Variants in NOL4 observed in about 807,000 individuals in gnomAD.
NOL4 encodes nucleolar protein 4.
A neutral mutation model predicts 75.9 loss-of-function variants in NOL4; 17 were observed. The ratio of observed to expected loss-of-function variants is 0.22; its 90% confidence interval spans 0.15 to 0.34. The LOEUF is 0.34. Ranked by LOEUF, NOL4 falls within the 10% of genes least tolerant of loss-of-function variation. NOL4 has a pLI of 1.00. For synonymous variants in NOL4, 292 were observed against 289.9 expected, an observed-to-expected ratio of 1.01 and a Z score of -0.07; for missense variants, 614 against 793.5, an observed-to-expected ratio of 0.77 and a Z score of 2.72.
chr18:34,165,720 C>T (rs1315209095), intron 1 of NOL4, among the ~76,000 whole-genome samples: 1 of 151,962 alleles, frequency 6.6e-6, no homozygotes, highest in African/African-American at 2.4e-5. Context: ...AGATATCATA[C>T]CCCAAATACG....
chr18:33,938,788 C>G (rs550199963), intron 9 of NOL4, among the ~76,000 whole-genome samples: 27 of 152,188 alleles, frequency 1.8e-4, no homozygotes, highest in Non-Finnish European at 3.5e-4. Flanking sequence ...TAATTAGATG[C>G]CATTTGTCAA....
At chr18:34,051,717 G>A (rs1220243374) in intron 5 of NOL4, among the ~76,000 whole-genome samples, 1 of 151,962 alleles carries the variant, frequency 6.6e-6, no homozygotes, top group African/African-American at 2.4e-5. Flanking sequence ...AGGTGCTGGG[G>A]GTATGATAGT....
At chr18:34,166,077 C>G (rs72961213) in intron 1 of NOL4, among the ~76,000 whole-genome samples, 36 of 152,100 alleles carry the variant, frequency 2.4e-4, no homozygotes, top group Non-Finnish European at 4.3e-4. Context: ...AAACTTTAGT[C>G]TCTAGCTTAG....
intron 5 of NOL4, among the ~76,000 whole-genome samples, chr18:34,054,857 T>A (rs1315687518): frequency 6.6e-6 from 1 of 151,578 alleles, no homozygotes; most frequent in Non-Finnish European, 1.5e-5. Context: ...TTTCTTTTCA[T>A]TTCCTTTCAT....
intron 9 of NOL4, among the ~76,000 whole-genome samples, chr18:33,939,765 C>G (rs556568083): frequency 6.6e-6 from 1 of 152,200 alleles, no homozygotes; most frequent in Admixed American, 6.6e-5. Context: ...CCCTTTCTTT[C>G]TTTCTCTTGC....
intron 6 of NOL4, among the ~76,000 whole-genome samples, chr18:34,014,626 C>T (rs117770562): frequency 0.03 from 4,595 of 151,956 alleles, 91 homozygotes; most frequent in Non-Finnish European, 0.046. Flanking sequence ...CTTAACACTT[C>T]CTCATGGGTC....
intron 9 of NOL4, among the ~76,000 whole-genome samples, chr18:33,942,671 C>T (rs577508616): frequency 1.3e-5 from 2 of 151,748 alleles, no homozygotes; most frequent in East Asian, 3.9e-4. Context: ...CGGTAGTAGG[C>T]CAGAGGAAAT....
chr18:34,173,332 T>G (rs186615792), intron 1 of NOL4, among the ~76,000 whole-genome samples: 3 of 152,040 alleles, frequency 2.0e-5, no homozygotes, highest in African/African-American at 7.2e-5. Flanking sequence ...GCAAGGTGAT[T>G]ATAGTTAACA....
At chr18:34,212,990 A>T (rs980027033) in intron 1 of NOL4, among the ~76,000 whole-genome samples, 2 of 152,190 alleles carry the variant, frequency 1.3e-5, no homozygotes, top group African/African-American at 4.8e-5. Flanking sequence ...ACCATATAAG[A>T]TAATAACTAT....
chr18:34,219,838 G>C (rs2037174539), intron 1 of NOL4, among the ~76,000 whole-genome samples: 1 of 152,238 alleles, frequency 6.6e-6, no homozygotes, highest in Non-Finnish European at 1.5e-5. Context: ...CAAAAGCACA[G>C]GTCCCACACC....
chr18:33,935,723 A>G (rs1486641494), intron 9 of NOL4, among the ~76,000 whole-genome samples: 1 of 152,148 alleles, frequency 6.6e-6, no homozygotes, highest in African/African-American at 2.4e-5. Flanking sequence ...AAAAACTGCA[A>G]TATCTGTGAA....
chr18:33,920,937 G>A (rs1599872033), intron 9 of NOL4, among the ~76,000 whole-genome samples: 1 of 152,298 alleles, frequency 6.6e-6, no homozygotes, highest in East Asian at 1.9e-4. Flanking sequence ...GCCCAGGCTG[G>A]CCAAGAGGAA....
At chr18:34,160,770 G>A (rs2031341873) in intron 1 of NOL4, among the ~76,000 whole-genome samples, 1 of 152,050 alleles carries the variant, frequency 6.6e-6, no homozygotes, top group South Asian at 2.1e-4. Flanking sequence ...GATCAAATTG[G>A]GGTAATGAGC....
At chr18:33,908,108 C>T (rs534121206) in intron 9 of NOL4, among the ~76,000 whole-genome samples, 2 of 152,190 alleles carry the variant, frequency 1.3e-5, no homozygotes, top group African/African-American at 4.8e-5. Context: ...AAATTCAGGC[C>T]TGATACTTCA....
chr18:34,060,076 A>T (rs2077008569), intron 5 of NOL4, among the ~76,000 whole-genome samples: 1 of 152,190 alleles, frequency 6.6e-6, no homozygotes, highest in African/African-American at 2.4e-5. Flanking sequence ...CAGAATCACA[A>T]GAGATACTAA....
intron 5 of NOL4, among the ~76,000 whole-genome samples, chr18:34,072,666 A>G (rs537151643): frequency 6.6e-6 from 1 of 152,330 alleles, no homozygotes; most frequent in Admixed American, 6.5e-5. Flanking sequence ...TGTGCGCACG[A>G]ACATTTACCA....
intron 1 of NOL4, among the ~76,000 whole-genome samples, chr18:34,211,692 T>C (rs1165956279): frequency 6.6e-6 from 1 of 152,208 alleles, no homozygotes. Flanking sequence ...CAAAAACTCG[T>C]AACTGTGAGA....
intron 9 of NOL4, among the ~76,000 whole-genome samples, chr18:33,926,409 C>T (rs2067334454): frequency 7.0e-6 from 1 of 143,136 alleles, no homozygotes; most frequent in Non-Finnish European, 1.5e-5. Flanking sequence ...TTTCAATTCT[C>T]TACTGTATTT....
In NOL4 at chr18:33,874,363, T is replaced by A. The variant is rs146024648; in HGVS notation, c.1723+8881A>T. Among the ~76,000 whole-genome samples, 952 of 152,092 alleles carry A rather than the reference T, an allele frequency of 6.3e-3. 8 individuals are homozygous for A. The highest frequency in any genetic ancestry group is 0.021 in the African/African-American group (876 of 41,554). ...CAAGATATTTCTCTAAAATGTTTGA[T>A]ATGAAACATTCTTCTTCTTCCAATA... On this transcript the variant is annotated intron_variant, in intron 10 of 10. Transcript: ENST00000261592.
Sources: gnomAD v4.1 joint callset for allele counts (sites outside exome capture counted in the v4.1 genomes callset) on GRCh38, gnomAD v4.1.1 for gene constraint, MANE v1.5 for transcripts, NCBI Gene and HGNC (gene_info 2026-07-23, HGNC 2026-07-21) for gene names.